Variants in SH3PXD2B observed in about 807,000 individuals in gnomAD.
SH3PXD2B encodes the protein SH3 and PX domains 2B.
In SH3PXD2B, 37 loss-of-function variants were observed where a neutral mutation model predicts 73.1. The observed-to-expected ratio is 0.51, with a 90% CI of 0.39 to 0.67. The LOEUF is 0.67. SH3PXD2B is among the 30% of genes least tolerant of loss of function. The pLI is 0.00. For synonymous variants in SH3PXD2B, 457 were observed against 480.5 expected (o/e 0.95, Z 0.64); for missense variants, 1,053 against 1,197.8 (o/e 0.88, Z 1.78).
At chr5:172,450,550 C>T (rs959080959) in intron 1 of SH3PXD2B, among the ~76,000 whole-genome samples, 51 of 152,126 alleles carry the variant, frequency 3.4e-4, no homozygotes, top group African/African-American at 1.0e-3. Flanking sequence ...GCTCAGGTTA[C>T]CGAGGACACT....
chr5:172,403,466 C>A (rs576955185), intron 3 of SH3PXD2B, among the ~76,000 whole-genome samples: 2 of 148,746 alleles, frequency 1.3e-5, no homozygotes, highest in Non-Finnish European at 3.0e-5. Flanking sequence ...AGGGGTGGTC[C>A]GGGGTCCTGG....
In SH3PXD2B at chr5:172,449,779, C is replaced by T. The variant is rs192314608; in HGVS notation, c.75+4499G>A. On this transcript the variant is annotated intron_variant, in intron 1 of 12. Transcript: ENST00000311601. Reference sequence around the variant, plus strand: ...GAGGATGTAAGTGCAAAGTTGAAAACACACAAACCCCAAGACCGTGGGACC... The same window carrying T: ...GAGGATGTAAGTGCAAAGTTGAAAATACACAAACCCCAAGACCGTGGGACC... 2.0e-5 allele frequency among the ~76,000 whole-genome samples: 3 copies of T among 152,264 alleles called. No homozygotes were observed. In the East Asian group the frequency reaches 5.8e-4, roughly 29 times the overall value.
At chr5:172,422,373 C>T (rs1376119160) in intron 2 of SH3PXD2B, 43 bp downstream of exon 2, 1 of 1,530,892 alleles carries the variant, frequency 6.5e-7, no homozygotes, top group African/African-American at 1.4e-5. Flanking sequence ...TCCAATTAAA[C>T]TCTTTCCGAT....
At chr5:172,394,788 C>G in intron 3 of SH3PXD2B, 149 bp from the exon 4 acceptor site, 1 of 766,554 alleles carries the variant, frequency 1.3e-6, no homozygotes, top group South Asian at 1.5e-5. Context: ...ACTGGACTTC[C>G]GTGAGGCTTG....
At chr5:172,331,938 C>T (rs1351386025), downstream of SH3PXD2B, among the ~76,000 whole-genome samples, 1 of 149,996 alleles carries the variant, frequency 6.7e-6, no homozygotes, top group Non-Finnish European at 1.5e-5. Flanking sequence ...AAGAGTGAAA[C>T]TCTGTCTCAA....
intron 5 of SH3PXD2B, among the ~76,000 whole-genome samples, chr5:172,380,118 G>A (rs1017580792): frequency 2.6e-5 from 4 of 152,070 alleles, no homozygotes; most frequent in African/African-American, 9.7e-5. Flanking sequence ...GTGCAGTGGC[G>A]GCGATCACTG....
chr5:172,390,354 T>C (rs534309988), intron 4 of SH3PXD2B, among the ~76,000 whole-genome samples: 39 of 152,352 alleles, frequency 2.6e-4, no homozygotes, highest in African/African-American at 7.2e-4. Flanking sequence ...TGGAGATTCA[T>C]CCAGCTTGTA....
chr5:172,437,935 C>T (rs763573756), intron 1 of SH3PXD2B, among the ~76,000 whole-genome samples: 6 of 152,172 alleles, frequency 3.9e-5, no homozygotes, highest in Non-Finnish European at 5.9e-5. Context: ...GATCTCTCTC[C>T]CCCTGCCTCA....
At chr5:172,365,319 G>A (rs892357501) in intron 6 of SH3PXD2B, among the ~76,000 whole-genome samples, 1 of 152,156 alleles carries the variant, frequency 6.6e-6, no homozygotes, top group Non-Finnish European at 1.5e-5. Context: ...CCATTTTGTG[G>A]GCAGGAACAC....
intron 1 of SH3PXD2B, among the ~76,000 whole-genome samples, chr5:172,433,625 G>C (rs958159051): frequency 2.6e-5 from 4 of 152,190 alleles, no homozygotes; most frequent in African/African-American, 9.7e-5. Context: ...CGATGGCACA[G>C]GGATGCCCAG....
In SH3PXD2B at chr5:172,336,070, A is replaced by C. The variant is rs1238531584; in HGVS notation, c.*2299T>G. Reference sequence around the variant, plus strand: ...GAGAAACTCCTTCAGTGAAGTCAGCAGACAGGACTCAAAGCTCTTCCAGCC... The same window carrying C: ...GAGAAACTCCTTCAGTGAAGTCAGCCGACAGGACTCAAAGCTCTTCCAGCC... On this transcript the variant is annotated 3_prime_UTR_variant, in exon 13 of 13. Transcript: ENST00000311601. 3 of 990,518 alleles carry C rather than the reference A, an allele frequency of 3.0e-6. No individual in the cohort carries two copies. The highest frequency in any genetic ancestry group is 3.5e-5 in the African/African-American group (2 of 57,484). 61.4% of individuals were successfully genotyped at this position (990,518 alleles called of 1,614,324 possible). A position where few individuals can be genotyped will look rare whatever the true frequency, so the allele number is the denominator to read the frequency against.
chr5:172,397,040 G>A (rs1218492363), intron 3 of SH3PXD2B, among the ~76,000 whole-genome samples: 1 of 152,208 alleles, frequency 6.6e-6, no homozygotes, highest in African/African-American at 2.4e-5. Context: ...GCGGAACAGA[G>A]CCATATTTCT....
intron 3 of SH3PXD2B, among the ~76,000 whole-genome samples, chr5:172,404,863 CA>C (rs948964423): frequency 2.0e-5 from 3 of 152,276 alleles, no homozygotes; most frequent in African/African-American, 7.2e-5. Flanking sequence ...ACTCCAGGCA[CA>C]AATTTTGGAG....
chr5:172,389,890 C>CT (rs1002279294), intron 4 of SH3PXD2B, among the ~76,000 whole-genome samples: 6 of 151,964 alleles, frequency 3.9e-5, no homozygotes, highest in Non-Finnish European at 5.9e-5. Flanking sequence ...CTGTTCAACA[C>CT]TTTTTTTGTA....
At chr5:172,385,156 G>C (rs1050929964) in intron 4 of SH3PXD2B, among the ~76,000 whole-genome samples, 1 of 152,098 alleles carries the variant, frequency 6.6e-6, no homozygotes, top group Non-Finnish European at 1.5e-5. Flanking sequence ...CCCTCCCCAT[G>C]GGCCTCTTTT....
rs1161125184 is a variant in SH3PXD2B, at chr5:172,337,386, C to A, written c.*983G>T. On this transcript the variant is annotated 3_prime_UTR_variant, in exon 13 of 13. Coordinates refer to ENST00000311601, the MANE Select transcript of SH3PXD2B (RefSeq NM_001017995.3). ...AAATCCTCTTCCCTCTTCCTCCTGG[C>A]TGGTGTGTCCTTGGGCACATGGAGC... The A allele has an allele frequency of 1.4e-5, 14 of 982,914 alleles. No individual in the cohort carries two copies. Among genetic ancestry groups the A allele is most frequent in the Non-Finnish European group, 1.7e-5 (14 of 827,620 alleles). 60.9% of individuals were successfully genotyped at this position (982,914 alleles called of 1,614,324 possible).
intron 1 of SH3PXD2B, among the ~76,000 whole-genome samples, chr5:172,446,393 C>CG (rs1382571563): frequency 1.3e-5 from 2 of 152,118 alleles, no homozygotes; most frequent in Admixed American, 6.5e-5. Context: ...ACAGGCTGCT[C>CG]GGGGGGCAGT....
chr5:172,394,442 A>C (rs956107154), intron 4 of SH3PXD2B, 121 bp downstream of exon 4: 2 of 976,024 alleles, frequency 2.0e-6, no homozygotes. Flanking sequence ...TTTTCCCCCT[A>C]ATTTCTTTAC....
intron 2 of SH3PXD2B, among the ~76,000 whole-genome samples, chr5:172,410,728 T>C (rs759995190): frequency 1.3e-5 from 2 of 152,252 alleles, no homozygotes; most frequent in Non-Finnish European, 2.9e-5. Flanking sequence ...ACATTACTAA[T>C]ACTAAATAAT....
Sources: gnomAD v4.1 joint callset for allele counts (sites outside exome capture counted in the v4.1 genomes callset) on GRCh38, gnomAD v4.1.1 for gene constraint, MANE v1.5 for transcripts, NCBI Gene and HGNC (gene_info 2026-07-23, HGNC 2026-07-21) for gene names.